KIAA1671: variants seen among roughly 807,000 people sequenced by gnomAD.
KIAA1671 encodes the protein KIAA1671, also known as uncharacterized protein KIAA1671.
A neutral mutation model predicts 131.2 loss-of-function variants in KIAA1671; 52 were observed. The observed-to-expected ratio is 0.40, with a 90% CI of 0.32 to 0.50. The LOEUF is 0.50. Ranked by LOEUF, KIAA1671 falls within the 20% of genes least tolerant of loss-of-function variation. The pLI is 0.73. For missense variants in KIAA1671, 2,360 were observed against 2,364.2 expected (o/e 1.00, Z 0.04); for synonymous variants, 1,003 against 961.6 (o/e 1.04, Z -0.80).
rs139258329 is a variant in KIAA1671 at position 25,131,112 on chromosome 22, A to C, written c.4531-39708A>C. 1.4e-4 allele frequency among the ~76,000 whole-genome samples: 21 copies of C among 152,322 alleles called. 1 individual carries two copies. The East Asian group carries it at 4.1e-3, about 29-fold the overall frequency. On this transcript the variant is annotated intron_variant, in intron 6 of 12. Coordinates refer to ENST00000358431, the MANE Select transcript of KIAA1671 (RefSeq NM_001145206.2). ...GGGCCTTGCCCAGTGACACACAGGG[A>C]TTGCTCTGGAAGAGACTGGGCTTCC...
In KIAA1671 at chr22:25,019,724, C is replaced by G. The variant is rs1054691052; in HGVS notation, c.-207-5909C>G. ...CCCTTCTGCTTCCCCTACCAATTAT[C>G]CTAAGTGCTTCCACTTTCCTGTGCA... On this transcript the variant is annotated intron_variant, in intron 1 of 12. Coordinates refer to ENST00000358431, the MANE Select transcript of KIAA1671 (RefSeq NM_001145206.2). Among the ~76,000 whole-genome samples, 13 of 151,782 alleles carry G rather than the reference C, an allele frequency of 8.6e-5. No homozygotes were observed. In the South Asian group the frequency reaches 1.5e-3, roughly 17 times the overall value.
At chr22:24,961,651 C>G (rs917060778) in intron 1 of KIAA1671, among the ~76,000 whole-genome samples, 2 of 152,230 alleles carry the variant, frequency 1.3e-5, no homozygotes, top group African/African-American at 4.8e-5. Context: ...AGCCTCCGTT[C>G]TGAACTGAGA....
chr22:25,028,235 C>T lies in KIAA1671; in HGVS notation c.236C>T (p.Ser79Phe). Residue 79 changes from serine to phenylalanine, a missense_variant, in exon 3 of 13, where the codon TCT becomes TTT. Ser to Phe is a radical substitution (Grantham distance 155). Transcript: ENST00000358431. Reference protein sequence around the residue: ...KPFSKEQDVKSPVPSLRPSST... With the variant: ...KPFSKEQDVKFPVPSLRPSST... ...TTCTCGAAGGAGCAGGACGTGAAAT[C>T]TCCTGTCCCGTCTCTGCGGCCCAGT... 6.4e-7 allele frequency: 1 copy of T among 1,551,650 alleles called. No individual in the cohort carries two copies. The highest frequency in any genetic ancestry group is 8.7e-7 in the Non-Finnish European group (1 of 1,146,986).
intron 6 of KIAA1671, among the ~76,000 whole-genome samples, chr22:25,123,574 G>C (rs35115933): frequency 0.021 from 3,238 of 152,220 alleles, 68 homozygotes; most frequent in Non-Finnish European, 0.029. Flanking sequence ...AAGCTGCTGT[G>C]TCTTGAGGAC....
chr22:25,179,170 G>T (rs1162794021), intron 9 of KIAA1671: 3 of 911,924 alleles, frequency 3.3e-6, no homozygotes, highest in Non-Finnish European at 5.2e-6. Context: ...CAGGGCGGCT[G>T]AGTGCGGAAG....
At chr22:24,959,716 G>A (rs1304409992) in intron 1 of KIAA1671, among the ~76,000 whole-genome samples, 1 of 152,164 alleles carries the variant, frequency 6.6e-6, no homozygotes, top group African/African-American at 2.4e-5. Flanking sequence ...AAGAAGGAAG[G>A]GGGCAAGGTG....
intron 6 of KIAA1671, among the ~76,000 whole-genome samples, chr22:25,084,479 A>G (rs1317665): frequency 1.0e-4 from 15 of 143,882 alleles, no homozygotes; most frequent in Admixed American, 2.1e-4. Context: ...AAAAAAATTG[A>G]CAATGTATAA....
chr22:24,971,105 T>C (rs867117423), intron 1 of KIAA1671, among the ~76,000 whole-genome samples: 4 of 152,188 alleles, frequency 2.6e-5, no homozygotes, highest in Non-Finnish European at 5.9e-5. Flanking sequence ...TACAGGCACG[T>C]GCCACCATGC....
intron 1 of KIAA1671, among the ~76,000 whole-genome samples, chr22:25,018,574 A>G (rs1925472324): frequency 6.6e-6 from 1 of 151,968 alleles, no homozygotes; most frequent in Non-Finnish European, 1.5e-5. Flanking sequence ...CCCATTCCCC[A>G]GCGCTGGCAA....
chr22:24,968,080 T>G (rs976207380), intron 1 of KIAA1671, among the ~76,000 whole-genome samples: 7 of 152,196 alleles, frequency 4.6e-5, no homozygotes, highest in Non-Finnish European at 7.3e-5. Context: ...GGTGCCTGGT[T>G]ACTGTCAGAT....
chr22:25,006,282 C>G (rs1924748272), intron 1 of KIAA1671, among the ~76,000 whole-genome samples: 1 of 152,128 alleles, frequency 6.6e-6, no homozygotes, highest in African/African-American at 2.4e-5. Context: ...ATCCACCCAC[C>G]TCGGCTCCCA....
At chr22:25,038,150 A>G (rs1033384449) in intron 4 of KIAA1671, among the ~76,000 whole-genome samples, 6 of 152,086 alleles carry the variant, frequency 3.9e-5, no homozygotes, top group African/African-American at 1.2e-4. Context: ...AATTCCTTTT[A>G]AAAGATTATT....
At chr22:25,186,654 A>G (rs1934485452) in intron 11 of KIAA1671, among the ~76,000 whole-genome samples, 1 of 152,234 alleles carries the variant, frequency 6.6e-6, no homozygotes, top group Non-Finnish European at 1.5e-5. Context: ...ATCATGGTGG[A>G]CAATTGGGTC....
intron 6 of KIAA1671, among the ~76,000 whole-genome samples, chr22:25,136,822 T>C (rs553247530): frequency 3.3e-5 from 5 of 152,206 alleles, no homozygotes; most frequent in Non-Finnish European, 7.3e-5. Context: ...TAATGGTTTT[T>C]TTCTTTAAAA....
intron 6 of KIAA1671, chr22:25,060,487 C>A: frequency 6.6e-6 from 1 of 152,432 alleles, no homozygotes. Context: ...TGGCCCAATC[C>A]TGATTTCAAT....
chr22:25,170,312 G>T (rs748082565), intron 6 of KIAA1671, among the ~76,000 whole-genome samples: 1 of 152,166 alleles, frequency 6.6e-6, no homozygotes, highest in Non-Finnish European at 1.5e-5. Flanking sequence ...GTTCAACCAG[G>T]TGATCTCATG....
intron 1 of KIAA1671, among the ~76,000 whole-genome samples, chr22:24,966,778 C>A (rs780914694): frequency 6.6e-6 from 1 of 152,040 alleles, no homozygotes; most frequent in Non-Finnish European, 1.5e-5. Flanking sequence ...CAGAGTGAGA[C>A]CCTGTCTCTA....
chr22:25,166,320 C>G lies in KIAA1671; in HGVS notation c.4531-4500C>G, dbSNP rs185160985. Among the ~76,000 whole-genome samples the G allele has an allele frequency of 2.0e-5, 3 of 152,146 alleles. No individual in the cohort carries two copies. The South Asian group carries it at 6.2e-4, about 32-fold the overall frequency. Reference sequence around the variant, plus strand: ...CCCTGACTCTTGGAGAGTTCAGATCCCTGAACCTGAATCCCAAACCTCTGT... The same window carrying G: ...CCCTGACTCTTGGAGAGTTCAGATCGCTGAACCTGAATCCCAAACCTCTGT... On this transcript the variant is annotated intron_variant, in intron 6 of 12. Coordinates refer to ENST00000358431, the MANE Select transcript of KIAA1671 (RefSeq NM_001145206.2).
chr22:25,123,716 C>T (rs1397271959), intron 6 of KIAA1671, among the ~76,000 whole-genome samples: 1 of 152,218 alleles, frequency 6.6e-6, no homozygotes, highest in Non-Finnish European at 1.5e-5. Flanking sequence ...TGAAACTGCA[C>T]CTCTGGCCAA....
Sources: gnomAD v4.1 joint callset for allele counts (sites outside exome capture counted in the v4.1 genomes callset) on GRCh38, gnomAD v4.1.1 for gene constraint, MANE v1.5 for transcripts, NCBI Gene and HGNC (gene_info 2026-07-23, HGNC 2026-07-21) for gene names.